The following CNTNAP2 variants were observed in gnomAD, a reference collection of about 807,000 sequenced individuals.
The protein encoded by CNTNAP2 is contactin-associated protein-like 2.
Under a neutral mutation model 155.2 loss-of-function variants are expected in CNTNAP2, and 98 were observed. The ratio of observed to expected loss-of-function variants is 0.63; its 90% CI spans 0.54 to 0.75. CNTNAP2 has a LOEUF of 0.75. CNTNAP2 is among the 30% of genes least tolerant of loss of function. The pLI is 0.00. For missense variants in CNTNAP2, 1,727 were observed against 1,688.1 expected, an observed-to-expected ratio of 1.02 and a Z score of -0.40; for synonymous variants, 651 against 631.2, an observed-to-expected ratio of 1.03 and a Z score of -0.47.
chr7:147,062,127 CA>C (rs869125044), intron 4 of CNTNAP2, among the ~76,000 whole-genome samples: 51 of 44,912 alleles, frequency 1.1e-3, no homozygotes, highest in Admixed American at 1.6e-3. Flanking sequence ...GACTCCGTCT[CA>C]AAAAAAAAAA....
intron 9 of CNTNAP2, among the ~76,000 whole-genome samples, chr7:147,313,729 C>T: frequency 6.6e-6 from 1 of 152,042 alleles, no homozygotes. Flanking sequence ...TGGCTTAGGA[C>T]TGACTTGGCG....
intron 1 of CNTNAP2, among the ~76,000 whole-genome samples, chr7:146,648,298 C>T (rs1799849492): frequency 6.6e-6 from 1 of 152,032 alleles, no homozygotes. Flanking sequence ...GGTGAGAAAA[C>T]ATGAATATTT....
chr7:147,835,057 AG>A (rs1798613356), intron 13 of CNTNAP2, among the ~76,000 whole-genome samples: 1 of 152,170 alleles, frequency 6.6e-6, no homozygotes, highest in Admixed American at 6.6e-5. Flanking sequence ...GATAAAAAAA[AG>A]AATTGCCCCG....
chr7:146,570,044 G>T (rs1294199610), intron 1 of CNTNAP2, among the ~76,000 whole-genome samples: 7 of 152,170 alleles, frequency 4.6e-5, no homozygotes, highest in Admixed American at 4.6e-4. Context: ...CTACTGATTT[G>T]CAAGGACAAG....
At chr7:146,529,394 A>G (rs1302329900) in intron 1 of CNTNAP2, among the ~76,000 whole-genome samples, 1 of 152,184 alleles carries the variant, frequency 6.6e-6, no homozygotes, top group South Asian at 2.1e-4. Flanking sequence ...GGGGTTCCTA[A>G]CATGAGGTCA....
intron 3 of CNTNAP2, among the ~76,000 whole-genome samples, chr7:147,004,628 C>T (rs1412907675): frequency 6.6e-6 from 1 of 151,946 alleles, no homozygotes; most frequent in Non-Finnish European, 1.5e-5. Context: ...AAACTGTCAT[C>T]GTATGGCGGA....
intron 1 of CNTNAP2, among the ~76,000 whole-genome samples, chr7:146,489,501 A>G: frequency 6.6e-6 from 1 of 152,146 alleles, no homozygotes; most frequent in African/African-American, 2.4e-5. Context: ...TCTGTGTAAC[A>G]CTGATGCAGG....
intron 3 of CNTNAP2, among the ~76,000 whole-genome samples, chr7:147,017,226 A>G (rs1238925145): frequency 2.0e-5 from 3 of 151,810 alleles, no homozygotes; most frequent in African/African-American, 7.3e-5. Context: ...TTCCTTCCCA[A>G]CATCGCCATT....
intron 1 of CNTNAP2, among the ~76,000 whole-genome samples, chr7:146,302,562 A>G (rs149722354): frequency 2.6e-4 from 40 of 152,272 alleles, no homozygotes; most frequent in African/African-American, 9.4e-4. Flanking sequence ...TGAAGCAAAA[A>G]AGCTAAGTAA....
At chr7:147,095,567 C>T (rs1800514242) in intron 4 of CNTNAP2, among the ~76,000 whole-genome samples, 1 of 151,726 alleles carries the variant, frequency 6.6e-6, no homozygotes, top group Admixed American at 6.6e-5. Context: ...TTTCAAATCT[C>T]AGTGAATAAG....
chr7:148,099,325 T>G (rs1349621150), intron 15 of CNTNAP2, among the ~76,000 whole-genome samples: 1 of 152,120 alleles, frequency 6.6e-6, no homozygotes, highest in Non-Finnish European at 1.5e-5. Flanking sequence ...CATTTATTAA[T>G]AACTCCATGA....
intron 2 of CNTNAP2, among the ~76,000 whole-genome samples, chr7:146,787,833 T>A (rs938733303): frequency 6.6e-6 from 1 of 152,094 alleles, no homozygotes; most frequent in Non-Finnish European, 1.5e-5. Flanking sequence ...GTTCTCCAAG[T>A]CCCCACCAGA....
intron 16 of CNTNAP2, among the ~76,000 whole-genome samples, chr7:148,132,000 T>C (rs1183903310): frequency 6.6e-6 from 1 of 152,190 alleles, no homozygotes; most frequent in Non-Finnish European, 1.5e-5. Flanking sequence ...TAGGTTTCTA[T>C]AAGCTATCAA....
chr7:146,903,877 C>T (rs1189097501), intron 3 of CNTNAP2, among the ~76,000 whole-genome samples: 1 of 151,894 alleles, frequency 6.6e-6, no homozygotes, highest in Admixed American at 6.6e-5. Context: ...ACATTTTCAC[C>T]CCATTAAAAA....
chr7:146,779,107 A>T (rs1802438703), intron 2 of CNTNAP2, among the ~76,000 whole-genome samples: 1 of 152,084 alleles, frequency 6.6e-6, no homozygotes, highest in South Asian at 2.1e-4. Context: ...CTCTGGTTTC[A>T]CTCACAGGCT....
chr7:147,491,922 T>A (rs2888489), intron 11 of CNTNAP2, among the ~76,000 whole-genome samples: 43,622 of 152,072 alleles, frequency 0.29, 6,392 homozygotes, highest in East Asian at 0.43. Flanking sequence ...GCAAAAAAAA[T>A]CTACATATTT....
In CNTNAP2 at chr7:146,381,366, C is replaced by T. The variant is rs1211460603; in HGVS notation, c.97+264393C>T. Among the ~76,000 whole-genome samples, 3 of 152,138 alleles carry T rather than the reference C, an allele frequency of 2.0e-5. No homozygotes were observed. The East Asian group carries it at 5.8e-4, about 29-fold the overall frequency. On this transcript the variant is annotated intron_variant, in intron 1 of 23. Coordinates refer to ENST00000361727, the MANE Select transcript of CNTNAP2 (RefSeq NM_014141.6). ...ACAATATTAATCAAAAATATATTAA[C>T]TTCTTTTTTAAATTGGATGAGACCA...
intron 1 of CNTNAP2, among the ~76,000 whole-genome samples, chr7:146,264,081 A>G (rs1799959247): frequency 1.3e-5 from 2 of 152,174 alleles, no homozygotes; most frequent in East Asian, 3.9e-4. Context: ...TTAGAAAGTG[A>G]TTTCACTTTG....
At chr7:147,824,988 T>C (rs1324321616) in intron 13 of CNTNAP2, among the ~76,000 whole-genome samples, 3 of 152,210 alleles carry the variant, frequency 2.0e-5, no homozygotes, top group Non-Finnish European at 2.9e-5. Context: ...AAATGAATTT[T>C]ACAGTATTCT....
Sources: gnomAD v4.1 joint callset for allele counts (sites outside exome capture counted in the v4.1 genomes callset) on GRCh38, gnomAD v4.1.1 for gene constraint, MANE v1.5 for transcripts, NCBI Gene and HGNC (gene_info 2026-07-23, HGNC 2026-07-21) for gene names.